Variants in TESK2 observed in about 807,000 individuals in gnomAD.
The protein encoded by TESK2 is dual specificity testis-specific protein kinase 2.
In TESK2, 39 loss-of-function variants were observed where a neutral mutation model predicts 57.1. The ratio of observed to expected loss-of-function variants is 0.68; its 90% CI spans 0.53 to 0.89. TESK2 has a LOEUF of 0.89. Among genes scored for constraint, TESK2 ranks in the 40% least tolerant of loss-of-function variants. The probability of loss-of-function intolerance (pLI) is 0.00; values close to 1 mark genes in which losing one functional copy is unlikely to be tolerated. For missense variants in TESK2, 646 were observed against 732.1 expected, an observed-to-expected ratio of 0.88 and a Z score of 1.36; for synonymous variants, 249 against 267.9, an observed-to-expected ratio of 0.93 and a Z score of 0.69.
rs142396395 is a variant in TESK2 at position 45,395,151 on chromosome 1, C to T, written c.345-9191G>A. ...GACTGTTCCCACTACCTAAAATGCC[C>T]CTCTCTTCATTTCCACATACCTTAC... On this transcript the variant is annotated intron_variant, in intron 3 of 10. Transcript: ENST00000372086. Among the ~76,000 whole-genome samples, 315 of 152,280 alleles carry T rather than the reference C, an allele frequency of 2.1e-3. 3 individuals carry two copies. The highest frequency in any genetic ancestry group is 7.3e-3 in the African/African-American group (304 of 41,546).
intron 1 of TESK2, among the ~76,000 whole-genome samples, chr1:45,478,237 CAT>C (rs1446163397): frequency 6.6e-6 from 1 of 152,234 alleles, no homozygotes; most frequent in East Asian, 1.9e-4. Context: ...GATTCTTCCA[CAT>C]GACTCTCTCA....
At chr1:45,356,166 G>A (rs896479114) in intron 4 of TESK2, among the ~76,000 whole-genome samples, 1 of 151,866 alleles carries the variant, frequency 6.6e-6, no homozygotes, top group African/African-American at 2.4e-5. Context: ...TGGAGGCATT[G>A]GAACAAGGCA....
At chr1:45,473,791 T>G (rs1652865659) in intron 1 of TESK2, among the ~76,000 whole-genome samples, 2 of 147,798 alleles carry the variant, frequency 1.4e-5, no homozygotes. Context: ...TAAAAGACAA[T>G]TAGGGATTTT....
Position 45,399,559 on chromosome 1 carries a change from C to G in TESK2, c.345-13599G>C, listed in dbSNP as rs111869289. Among the ~76,000 whole-genome samples the G allele has an allele frequency of 1.0e-3, 152 of 152,296 alleles. No individual in the cohort carries two copies. The East Asian group carries it at 0.014, about 14-fold the overall frequency. On this transcript the variant is annotated intron_variant, in intron 3 of 10. Transcript: ENST00000372086. ...CAAACTCCCGACCTCAGGTAATCCG[C>G]CCGCCTTGGCCTCCCAAAGTGCTGG...
intron 2 of TESK2, among the ~76,000 whole-genome samples, chr1:45,456,862 T>C (rs185566600): frequency 6.6e-6 from 1 of 152,270 alleles, no homozygotes; most frequent in African/African-American, 2.4e-5. Context: ...ATTTTCTCAG[T>C]GAATTGGGAA....
rs1336635403 is a variant in TESK2, at chr1:45,457,560, T to C, written c.222+4A>G. 1.9e-5 allele frequency: 31 copies of C among 1,612,966 alleles called. No homozygotes were observed. Among genetic ancestry groups the C allele is most frequent in the Non-Finnish European group, 2.5e-5 (30 of 1,179,230 alleles). On this transcript the variant is annotated splice_donor_region_variant and intron_variant, in intron 2 of 10. Transcript: ENST00000372086. Reference sequence around the variant, plus strand: ...AATATGAGAAAAGCTGAAGACTCACTCACCTTGAACACTTCAGAAAAGAAG... The same window carrying C: ...AATATGAGAAAAGCTGAAGACTCACCCACCTTGAACACTTCAGAAAAGAAG...
Position 45,464,422 on chromosome 1 carries a change from T to TAA in TESK2, c.-86-6553_-86-6552dup, listed in dbSNP as rs34547506. ...CTTGGCGACAGAGCAAGACACTGGATAAAAAAAAAAAAAAAAAGTCTTATA... is the reference window on the plus strand; with the variant it reads ...CTTGGCGACAGAGCAAGACACTGGATAAAAAAAAAAAAAAAAAAAGTCTTATA... On this transcript the variant is annotated intron_variant, in intron 1 of 10. Transcript: ENST00000372086. Among the ~76,000 whole-genome samples the TAA allele has an allele frequency of 5.4e-4, 66 of 121,104 alleles. 1 individual carries two copies. Among genetic ancestry groups the TAA allele is most frequent in the African/African-American group, 1.7e-3 (59 of 34,004 alleles). 79.4% of individuals were successfully genotyped at this position (121,104 alleles called of 152,430 possible). A position where few individuals can be genotyped will look rare whatever the true frequency, so the allele number is the denominator to read the frequency against.
rs535732463 is a variant in TESK2 at position 45,368,499 on chromosome 1, G to A, written c.394-13050C>T. Reference sequence around the variant, plus strand: ...AGCAATTCTCCTGTCTCAGCCTCCCGAGTACCTGGGACTACAGGCGCCTGC... The same window carrying A: ...AGCAATTCTCCTGTCTCAGCCTCCCAAGTACCTGGGACTACAGGCGCCTGC... On this transcript the variant is annotated intron_variant, in intron 4 of 10. Coordinates refer to ENST00000372086, the MANE Select transcript of TESK2 (RefSeq NM_007170.3). Among the ~76,000 whole-genome samples the A allele has an allele frequency of 6.0e-4, 89 of 149,418 alleles. 1 individual carries two copies. The highest frequency in any genetic ancestry group is 2.1e-3 in the African/African-American group (85 of 40,524).
chr1:45,468,184 A>G (rs1652632583), intron 1 of TESK2, among the ~76,000 whole-genome samples: 2 of 152,050 alleles, frequency 1.3e-5, no homozygotes, highest in African/African-American at 4.8e-5. Flanking sequence ...TCAAAAAAAA[A>G]AAAAAAATTA....
At chr1:45,391,158 C>T (rs528898140) in intron 3 of TESK2, among the ~76,000 whole-genome samples, 193 of 151,392 alleles carry the variant, frequency 1.3e-3, no homozygotes, top group African/African-American at 4.2e-3. Flanking sequence ...CCTCGTGATC[C>T]GCCCCCCTCA....
chr1:45,457,770 G>A lies in TESK2; in HGVS notation c.16C>T (p.Arg6Trp), dbSNP rs200046705. MDRSK[R>W]NSIAGFPPRV... ...GGAGGAAATCCTGCAATTGAATTCC[G>A]TTTGCTCCGATCCATAGTCTAAATA... Residue 6 changes from arginine to tryptophan, a missense_variant, in exon 2 of 11, where the codon CGG becomes TGG. Transcript: ENST00000372086. 18 of 1,613,806 alleles carry A rather than the reference G, an allele frequency of 1.1e-5. No individual in the cohort carries two copies. The highest frequency in any genetic ancestry group is 4.5e-5 in the East Asian group (2 of 44,882).
At chr1:45,385,382 C>T (rs372233583) in intron 4 of TESK2, 76 of 981,340 alleles carry the variant, frequency 7.7e-5, no homozygotes, top group African/African-American at 6.0e-4. Context: ...GGAAATGAAA[C>T]GAGAATGAAG....
In TESK2 at chr1:45,359,823, C is replaced by A. The variant is rs533807830; in HGVS notation, c.394-4374G>T. Reference sequence around the variant, plus strand: ...AGGTTGCGGTGGGCAGAGATCATATCACTGCACTCCAGCCTGGGCAACAGG... The same window carrying A: ...AGGTTGCGGTGGGCAGAGATCATATAACTGCACTCCAGCCTGGGCAACAGG... On this transcript the variant is annotated intron_variant, in intron 4 of 10. Transcript: ENST00000372086. Among the ~76,000 whole-genome samples, 8 of 152,234 alleles carry A rather than the reference C, an allele frequency of 5.3e-5. No homozygotes were observed. In the East Asian group the frequency reaches 1.3e-3, roughly 26 times the overall value.
At chr1:45,379,885 A>AT (rs1207371486) in intron 4 of TESK2, among the ~76,000 whole-genome samples, 8 of 151,424 alleles carry the variant, frequency 5.3e-5, no homozygotes, top group Admixed American at 1.3e-4. Context: ...AGAATAGTTT[A>AT]TTTTTTTTTA....
At chr1:45,393,671 A>G (rs7525849) in intron 3 of TESK2, among the ~76,000 whole-genome samples, 48,737 of 150,150 alleles carry the variant, frequency 0.32, 8,767 homozygotes, top group African/African-American at 0.48. Flanking sequence ...AACCTGGGAG[A>G]TGGAGGTTGC....
chr1:45,347,690 C>T lies in TESK2; in HGVS notation c.627G>A (p.Met209Ile). The T allele has an allele frequency of 1.2e-6, 2 of 1,614,216 alleles. No homozygotes were observed. The highest frequency in any genetic ancestry group is 1.7e-6 in the Non-Finnish European group (2 of 1,180,038). The change falls in exon 7 of 11, where the codon ATG (methionine) becomes ATA (isoleucine). Residue 209 changes from methionine to isoleucine, a missense_variant. Met to Ile is a conservative substitution (Grantham distance 10). Transcript: ENST00000372086. The stretch of plus-strand genomic sequence containing the variant: ...CCACCACGGCCAGCTTCTCACTCCC[C>T]ATGCTGTGGGGTGAGATTATACAGA... ...GLAEKIPDVS[M>I]GSEKLAVVGS...
chr1:45,368,843 G>A, intron 4 of TESK2, among the ~76,000 whole-genome samples: 1 of 151,952 alleles, frequency 6.6e-6, no homozygotes, highest in Admixed American at 6.6e-5. Flanking sequence ...CCACCTCCTG[G>A]GTTCAAGCAA....
intron 2 of TESK2, among the ~76,000 whole-genome samples, chr1:45,455,525 G>A (rs1361646747): frequency 1.3e-5 from 2 of 152,180 alleles, no homozygotes; most frequent in African/African-American, 4.8e-5. Context: ...TTTCTCTGCT[G>A]CAACCTGGAG....
chr1:45,378,719 G>C (rs1259658301), intron 4 of TESK2, among the ~76,000 whole-genome samples: 1 of 152,174 alleles, frequency 6.6e-6, no homozygotes, highest in Non-Finnish European at 1.5e-5. Context: ...TGTAACAATA[G>C]ATCATGGGAG....
Sources: gnomAD v4.1 joint callset for allele counts (sites outside exome capture counted in the v4.1 genomes callset) on GRCh38, gnomAD v4.1.1 for gene constraint, MANE v1.5 for transcripts, NCBI Gene and HGNC (gene_info 2026-07-23, HGNC 2026-07-21) for gene names.